The following KCND2 variants were observed in gnomAD, a reference collection of about 807,000 sequenced individuals.
The protein encoded by KCND2 is potassium voltage-gated channel subfamily D member 2, also known as A-type voltage-gated potassium channel KCND2.
A neutral mutation model predicts 54.4 loss-of-function variants in KCND2; 16 were observed. That is an observed-to-expected ratio of 0.29 (90% confidence interval 0.20 to 0.45). The LOEUF (loss-of-function observed/expected upper bound fraction) is 0.45. KCND2 is among the 20% of genes least tolerant of loss of function. The pLI is 1.00. For missense variants in KCND2, 486 were observed against 824.2 expected (o/e 0.59, Z 5.02); for synonymous variants, 317 against 310.7 (o/e 1.02, Z -0.21).
At chr7:120,562,129 G>A (rs556169642) in intron 1 of KCND2, among the ~76,000 whole-genome samples, 58 of 152,168 alleles carry the variant, frequency 3.8e-4, no homozygotes, top group African/African-American at 1.2e-3. Context: ...AGTTATAAGC[G>A]CAAGAGGACA....
chr7:120,448,917 A>G (rs1045935240), intron 1 of KCND2, among the ~76,000 whole-genome samples: 4 of 152,236 alleles, frequency 2.6e-5, no homozygotes, highest in African/African-American at 9.6e-5. Flanking sequence ...AAATATAGTG[A>G]CATTCTGCTA....
intron 1 of KCND2, among the ~76,000 whole-genome samples, chr7:120,487,939 G>T (rs563312373): frequency 6.6e-6 from 1 of 152,220 alleles, no homozygotes; most frequent in South Asian, 2.1e-4. Flanking sequence ...CTAGCACTTT[G>T]GGAGGCCCAG....
At chr7:120,442,658 GAC>G (rs1280955875) in intron 1 of KCND2, among the ~76,000 whole-genome samples, 3 of 151,950 alleles carry the variant, frequency 2.0e-5, no homozygotes, top group African/African-American at 7.3e-5. Flanking sequence ...GATATTTACA[GAC>G]ACCCATCTAA....
intron 1 of KCND2, among the ~76,000 whole-genome samples, chr7:120,679,725 C>G (rs1792115934): frequency 1.3e-5 from 2 of 152,062 alleles, no homozygotes; most frequent in South Asian, 4.1e-4. Context: ...GTTCCACATT[C>G]TTTTTAAAAG....
rs1297866786 is a variant in KCND2, at chr7:120,378,333, T to TG, written c.1115+102587dup. On this transcript the variant is annotated intron_variant, in intron 1 of 5. Coordinates refer to ENST00000331113, the MANE Select transcript of KCND2 (RefSeq NM_012281.3). ...TATGATATTGCTTTCTTTTAGGAAGTGCAGATTTTGATAAGAACATTTGAA... is the reference window on the plus strand; with the variant it reads ...TATGATATTGCTTTCTTTTAGGAAGTGGCAGATTTTGATAAGAACATTTGAA... Among the ~76,000 whole-genome samples, 3 of 151,926 alleles carry TG rather than the reference T, an allele frequency of 2.0e-5. No individual in the cohort carries two copies. In the South Asian group the frequency reaches 6.2e-4, roughly 31 times the overall value.
chr7:120,673,192 G>T (rs1792016328), intron 1 of KCND2, among the ~76,000 whole-genome samples: 1 of 152,078 alleles, frequency 6.6e-6, no homozygotes. Context: ...CTCCAGAGTT[G>T]TAAGAAATCA....
intron 1 of KCND2, among the ~76,000 whole-genome samples, chr7:120,540,801 G>T (rs2116380090): frequency 6.6e-6 from 1 of 151,758 alleles, no homozygotes; most frequent in Non-Finnish European, 1.5e-5. Context: ...CTTTGAATAG[G>T]ATTCACTCTC....
chr7:120,589,261 T>G (rs1487307021), intron 1 of KCND2, among the ~76,000 whole-genome samples: 2 of 152,094 alleles, frequency 1.3e-5, no homozygotes, highest in African/African-American at 4.8e-5. Context: ...TATGACAGAT[T>G]CACCATGTCA....
chr7:120,450,135 G>T (rs12674267), intron 1 of KCND2, among the ~76,000 whole-genome samples: 1 of 152,078 alleles, frequency 6.6e-6, no homozygotes, highest in African/African-American at 2.4e-5. Context: ...GGTTTTCACC[G>T]GGCACAGTGG....
intron 1 of KCND2, among the ~76,000 whole-genome samples, chr7:120,369,127 T>C (rs1000435104): frequency 1.2e-4 from 19 of 152,048 alleles, no homozygotes; most frequent in African/African-American, 4.3e-4. Context: ...TTTTGGTGGG[T>C]TGAGATTTTT....
chr7:120,485,581 C>T (rs1414652902), intron 1 of KCND2, among the ~76,000 whole-genome samples: 1 of 152,136 alleles, frequency 6.6e-6, no homozygotes, highest in Non-Finnish European at 1.5e-5. Flanking sequence ...ACTGAATTGC[C>T]TATGGACAAA....
chr7:120,666,345 G>A (rs567543202), intron 1 of KCND2, among the ~76,000 whole-genome samples: 1 of 152,056 alleles, frequency 6.6e-6, no homozygotes, highest in Admixed American at 6.6e-5. Flanking sequence ...AGATAAATGT[G>A]ATTGGCCAGT....
chr7:120,723,364 C>T (rs1037248481), intron 1 of KCND2, among the ~76,000 whole-genome samples: 5 of 152,086 alleles, frequency 3.3e-5, no homozygotes, highest in African/African-American at 9.7e-5. Context: ...AACTACCACA[C>T]GATGGAATTT....
At chr7:120,686,481 A>G (rs146585626) in intron 1 of KCND2, among the ~76,000 whole-genome samples, 1 of 152,318 alleles carries the variant, frequency 6.6e-6, no homozygotes, top group East Asian at 1.9e-4. Flanking sequence ...CCTCCTCAGA[A>G]GAAAGAATTC....
At chr7:120,745,678 T>G in intron 4 of KCND2, 102 bp from the exon 5 acceptor site, 1 of 1,223,918 alleles carries the variant, frequency 8.2e-7, no homozygotes, top group Non-Finnish European at 1.2e-6. Flanking sequence ...GTATCAAGTC[T>G]AACTATACTT....
intron 1 of KCND2, among the ~76,000 whole-genome samples, chr7:120,430,548 C>G (rs1180929855): frequency 6.6e-6 from 1 of 151,454 alleles, no homozygotes; most frequent in Non-Finnish European, 1.5e-5. Flanking sequence ...GAGCAAGACC[C>G]TATCTTAAAA....
intron 1 of KCND2, among the ~76,000 whole-genome samples, chr7:120,572,746 G>T (rs1372795486): frequency 6.6e-6 from 1 of 152,092 alleles, no homozygotes; most frequent in Non-Finnish European, 1.5e-5. Context: ...TTTAACTCCT[G>T]TCCTGACCTC....
chr7:120,372,357 G>GA (rs1007172393), intron 1 of KCND2, among the ~76,000 whole-genome samples: 11 of 148,850 alleles, frequency 7.4e-5, no homozygotes, highest in African/African-American at 1.2e-4. Flanking sequence ...ATCTGAAAAT[G>GA]AAAAAAAAAT....
chr7:120,394,303 G>A (rs965297799), intron 1 of KCND2, among the ~76,000 whole-genome samples: 2 of 151,938 alleles, frequency 1.3e-5, no homozygotes, highest in Non-Finnish European at 2.9e-5. Flanking sequence ...TCATAGGGGT[G>A]TGGAAAAGGG....
Sources: allele counts gnomAD v4.1 joint callset (sites outside exome capture counted in the v4.1 genomes callset), GRCh38; gene constraint gnomAD v4.1.1; transcripts MANE v1.5; gene names NCBI Gene and HGNC (gene_info 2026-07-23, HGNC 2026-07-21).